Variants in RASAL2 observed in about 807,000 individuals in gnomAD.
RASAL2 encodes the protein RAS protein activator like 2.
A neutral mutation model predicts 128.9 loss-of-function variants in RASAL2; 58 were observed. The ratio of observed to expected loss-of-function variants is 0.45; its 90% confidence interval spans 0.36 to 0.56. RASAL2 has a LOEUF of 0.56. Ranked by LOEUF, RASAL2 falls within the 20% of genes least tolerant of loss-of-function variation. RASAL2 has a pLI of 0.00. For synonymous variants in RASAL2, 561 were observed against 580.8 expected (o/e 0.97, Z 0.49); for missense variants, 1,360 against 1,601.6 (o/e 0.85, Z 2.57).
chr1:178,427,713 A>G (rs993521220), intron 5 of RASAL2, among the ~76,000 whole-genome samples: 5 of 152,122 alleles, frequency 3.3e-5, no homozygotes, highest in Admixed American at 6.6e-5. Context: ...AAACCAGGTA[A>G]TGGACATTGG....
At chr1:178,332,652 C>G (rs955918147) in intron 3 of RASAL2, among the ~76,000 whole-genome samples, 2 of 150,850 alleles carry the variant, frequency 1.3e-5, no homozygotes, top group Admixed American at 1.3e-4. Flanking sequence ...CACTCTGCCG[C>G]CCAGGCTGGA....
intron 1 of RASAL2, among the ~76,000 whole-genome samples, chr1:178,220,329 G>T (rs1389804509): frequency 6.6e-6 from 1 of 152,124 alleles, no homozygotes; most frequent in Non-Finnish European, 1.5e-5. Context: ...AAGAAAAGAG[G>T]CAAGGAATGG....
intron 16 of RASAL2, among the ~76,000 whole-genome samples, 167 bp from the exon 17 acceptor site, chr1:178,467,167 G>C (rs1276596147): frequency 6.6e-6 from 1 of 152,156 alleles, no homozygotes; most frequent in Non-Finnish European, 1.5e-5. Context: ...CCAGGCACAA[G>C]GAGAAAAATC....
At chr1:178,216,914 C>T (rs187343474) in intron 1 of RASAL2, among the ~76,000 whole-genome samples, 1 of 152,146 alleles carries the variant, frequency 6.6e-6, no homozygotes, top group East Asian at 1.9e-4. Flanking sequence ...TCTGTGGGAA[C>T]CATGAAGCAG....
chr1:178,196,749 A>G (rs966128050), intron 1 of RASAL2, among the ~76,000 whole-genome samples: 7 of 152,240 alleles, frequency 4.6e-5, no homozygotes, highest in African/African-American at 1.4e-4. Context: ...ACAGATACCA[A>G]GGGATGACTG....
chr1:178,328,184 C>A (rs956327570), intron 3 of RASAL2, among the ~76,000 whole-genome samples: 1 of 152,150 alleles, frequency 6.6e-6, no homozygotes, highest in Non-Finnish European at 1.5e-5. Flanking sequence ...CATCTCCTAT[C>A]ACGTTTTTGG....
intron 3 of RASAL2, among the ~76,000 whole-genome samples, chr1:178,360,592 C>T (rs1259446702): frequency 1.3e-5 from 2 of 152,208 alleles, no homozygotes; most frequent in East Asian, 3.8e-4. Context: ...CTTGTTCTTC[C>T]AGTCAGCAAG....
chr1:178,245,236 C>A (rs1664718018), intron 1 of RASAL2, among the ~76,000 whole-genome samples: 1 of 152,214 alleles, frequency 6.6e-6, no homozygotes, highest in Non-Finnish European at 1.5e-5. Context: ...TCGCCAGCAT[C>A]TGTTGTTTCC....
intron 1 of RASAL2, among the ~76,000 whole-genome samples, chr1:178,266,606 G>GAAGAGGGAAGA (rs1268807936): frequency 6.6e-6 from 1 of 152,154 alleles, no homozygotes; most frequent in Non-Finnish European, 1.5e-5. Flanking sequence ...AGGCAAGAAA[G>GAAGAGGGAAGA]AAGAGGGAAG....
At chr1:178,162,613 T>G (rs893181403) in intron 1 of RASAL2, among the ~76,000 whole-genome samples, 3 of 145,472 alleles carry the variant, frequency 2.1e-5, no homozygotes, top group South Asian at 2.1e-4. Context: ...TTTTTGAGAC[T>G]GAGTCTCTCT....
At chr1:178,468,959 C>T (rs1464280536) in intron 17 of RASAL2, among the ~76,000 whole-genome samples, 1 of 152,138 alleles carries the variant, frequency 6.6e-6, no homozygotes, top group African/African-American at 2.4e-5. Flanking sequence ...GATGTTAGTA[C>T]TAAGAGATAA....
intron 3 of RASAL2, among the ~76,000 whole-genome samples, chr1:178,373,665 T>G (rs1671842786): frequency 6.6e-6 from 1 of 152,038 alleles, no homozygotes; most frequent in Admixed American, 6.6e-5. Flanking sequence ...AAAGATAAAT[T>G]TATTTATCTC....
At chr1:178,456,489 CTT>C (rs1424217321) in intron 12 of RASAL2, 1 of 608,900 alleles carries the variant, frequency 1.6e-6, no homozygotes, top group Non-Finnish European at 2.9e-6. Context: ...TTTCGATTTC[CTT>C]TCTTTCCTCG....
At chr1:178,367,754 C>T (rs1013274970) in intron 3 of RASAL2, among the ~76,000 whole-genome samples, 1 of 152,290 alleles carries the variant, frequency 6.6e-6, no homozygotes, top group African/African-American at 2.4e-5. Context: ...GCAGTAATTT[C>T]TGTCTTGAAA....
intron 1 of RASAL2, among the ~76,000 whole-genome samples, chr1:178,103,267 G>A (rs1320232965): frequency 6.6e-6 from 1 of 151,076 alleles, no homozygotes; most frequent in East Asian, 1.9e-4. Context: ...TTTTATGGCT[G>A]CATAATGCCT....
At chr1:178,210,930 C>T (rs945303679) in intron 1 of RASAL2, among the ~76,000 whole-genome samples, 3 of 152,226 alleles carry the variant, frequency 2.0e-5, no homozygotes, top group Middle Eastern at 6.8e-3. Context: ...AAGCTAGTCT[C>T]TTTACAAATC....
chr1:178,411,648 CT>C, intron 4 of RASAL2: 1 of 801,896 alleles, frequency 1.2e-6, no homozygotes, highest in Non-Finnish European at 2.3e-6. Context: ...TATTTGGTGT[CT>C]GCCATATCTT....
At chr1:178,462,139 C>A (rs1371745184) in intron 14 of RASAL2, among the ~76,000 whole-genome samples, 1 of 152,108 alleles carries the variant, frequency 6.6e-6, no homozygotes, top group Non-Finnish European at 1.5e-5. Context: ...GGAATCTGAA[C>A]CACTTACTAA....
Position 178,476,860 on chromosome 1 carries a change from A to G in RASAL2, c.*3621A>G, listed in dbSNP as rs1180490830. ...TCTTTGGAAGTCCCAGAGCAAAATAACTGCCATCAAGTGAGTTTGCATTCG... is the reference window on the plus strand; with the variant it reads ...TCTTTGGAAGTCCCAGAGCAAAATAGCTGCCATCAAGTGAGTTTGCATTCG... On this transcript the variant is annotated 3_prime_UTR_variant, in exon 18 of 18. Transcript: ENST00000367649. 1 of 152,168 alleles carries G rather than the reference A, an allele frequency of 6.6e-6. No individual in the cohort carries two copies. The highest frequency in any genetic ancestry group is 1.9e-4 in the East Asian group (1 of 5,202). The allele number at this position is 152,168 out of a possible 1,614,324, so 9.4% of individuals were successfully genotyped here. A position where few individuals can be genotyped will look rare whatever the true frequency, so the allele number is the denominator to read the frequency against.
Sources: allele counts gnomAD v4.1 joint callset (sites outside exome capture counted in the v4.1 genomes callset), GRCh38; gene constraint gnomAD v4.1.1; transcripts MANE v1.5; gene names NCBI Gene and HGNC (gene_info 2026-07-23, HGNC 2026-07-21).